The following IFT74 variants were observed in gnomAD, a reference collection of about 807,000 sequenced individuals.
The protein encoded by IFT74 is intraflagellar transport 74, also known as intraflagellar transport protein 74 homolog.
A neutral mutation model predicts 96.7 loss-of-function variants in IFT74; 92 were observed. The ratio of observed to expected loss-of-function variants is 0.95; its 90% CI spans 0.80 to 1.13. The LOEUF (loss-of-function observed/expected upper bound fraction) is 1.13, where lower values mean the gene tolerates loss of function less well. Ranked by LOEUF, IFT74 falls within the 50% of genes most tolerant of loss-of-function variation. The pLI is 0.00. For missense variants in IFT74, 811 were observed against 698.2 expected, an observed-to-expected ratio of 1.16 and a Z score of -1.82; for synonymous variants, 223 against 213.2, an observed-to-expected ratio of 1.05 and a Z score of -0.40.
intron 2 of IFT74, among the ~76,000 whole-genome samples, chr9:26,970,192 T>C (rs996888336): frequency 6.6e-6 from 1 of 152,202 alleles, no homozygotes. Context: ...AAATGACTTT[T>C]TCTTTGCAGT....
chr9:27,014,071 C>T (rs1030877170), intron 10 of IFT74, among the ~76,000 whole-genome samples: 4 of 152,000 alleles, frequency 2.6e-5, no homozygotes, highest in Admixed American at 6.6e-5. Flanking sequence ...AAAAATTAGT[C>T]GGGCATGGTG....
chr9:26,965,193 A>T (rs1462208138), intron 2 of IFT74, among the ~76,000 whole-genome samples: 3 of 152,212 alleles, frequency 2.0e-5, no homozygotes, highest in Non-Finnish European at 4.4e-5. Flanking sequence ...ACATAAATTT[A>T]TAAATACATA....
At chr9:26,957,152 C>A (rs59757728) in intron 1 of IFT74, among the ~76,000 whole-genome samples, 9,408 of 152,238 alleles carry the variant, frequency 0.062, 335 homozygotes, top group South Asian at 0.13. Flanking sequence ...AATTGTGTGA[C>A]TCTTTGATTG....
intron 12 of IFT74, among the ~76,000 whole-genome samples, chr9:27,023,458 C>G (rs977250683): frequency 6.6e-6 from 1 of 152,076 alleles, no homozygotes; most frequent in Non-Finnish European, 1.5e-5. Flanking sequence ...TGGTGTATCA[C>G]GTTTATTGAC....
intron 12 of IFT74, among the ~76,000 whole-genome samples, chr9:27,022,646 C>CTTT (rs112202812): frequency 7.1e-6 from 1 of 141,736 alleles, no homozygotes; most frequent in African/African-American, 2.6e-5. Context: ...TTCTTGATTT[C>CTTT]TTTTTTTTTT....
At chr9:27,034,810 G>A (rs1043336262) in intron 13 of IFT74, among the ~76,000 whole-genome samples, 7 of 152,222 alleles carry the variant, frequency 4.6e-5, no homozygotes, top group African/African-American at 9.6e-5. Context: ...GATTACAGGC[G>A]TGAGCCACCA....
chr9:26,986,125 T>C (rs1191836616), intron 6 of IFT74, among the ~76,000 whole-genome samples: 3 of 151,686 alleles, frequency 2.0e-5, no homozygotes, highest in Non-Finnish European at 4.4e-5. Context: ...TTTATCTCAC[T>C]ACCCTTATTA....
intron 13 of IFT74, among the ~76,000 whole-genome samples, chr9:27,035,167 G>C (rs138462088): frequency 6.6e-6 from 1 of 152,272 alleles, no homozygotes; most frequent in African/African-American, 2.4e-5. Flanking sequence ...TATTGTTAAT[G>C]CTGTTACTTT....
intron 9 of IFT74, among the ~76,000 whole-genome samples, chr9:27,010,785 G>A: frequency 6.6e-6 from 1 of 152,038 alleles, no homozygotes; most frequent in Non-Finnish European, 1.5e-5. Context: ...ACTTTTTTAG[G>A]CTCCTACAGA....
chr9:26,963,772 G>T lies in IFT74; in HGVS notation c.120+1685G>T, dbSNP rs1024078967. On this transcript the variant is annotated intron_variant, in intron 2 of 19. Transcript: ENST00000380062. Reference sequence around the variant, plus strand: ...TAAATGTCTTCTTTTGGGAAGTGTCGGTTGATGTCTTTCGCCCACTTTTTG... The same window carrying T: ...TAAATGTCTTCTTTTGGGAAGTGTCTGTTGATGTCTTTCGCCCACTTTTTG... 9.9e-3 allele frequency among the ~76,000 whole-genome samples: 1,513 copies of T among 152,196 alleles called. 19 individuals carry two copies. Among genetic ancestry groups the T allele is most frequent in the African/African-American group, 0.034 (1,419 of 41,490 alleles).
At chr9:26,978,969 T>C (rs189029424) in intron 3 of IFT74, among the ~76,000 whole-genome samples, 1 of 152,250 alleles carries the variant, frequency 6.6e-6, no homozygotes, top group East Asian at 1.9e-4. Context: ...AACTCCTTTT[T>C]CTTTTCTTTT....
At chr9:26,974,762 A>G (rs1225524474) in intron 2 of IFT74, among the ~76,000 whole-genome samples, 1 of 152,138 alleles carries the variant, frequency 6.6e-6, no homozygotes, top group Admixed American at 6.5e-5. Context: ...CAGGTATATA[A>G]TTGAGGTCCT....
rs1387448827 is a variant in IFT74 at position 27,010,960 on chromosome 9, GT to G, written c.727-942del. 2.0e-5 allele frequency among the ~76,000 whole-genome samples: 3 copies of G among 152,272 alleles called. No individual in the cohort carries two copies. The East Asian group carries it at 5.8e-4, about 29-fold the overall frequency. Reference sequence around the variant, plus strand: ...CCCATAAATGCCAATAATGATTATAGTTTTAGTTTCTTAGACATTCCTTTGC... The same window carrying G: ...CCCATAAATGCCAATAATGATTATAGTTTAGTTTCTTAGACATTCCTTTGC... On this transcript the variant is annotated intron_variant, in intron 9 of 19. Transcript: ENST00000380062.
intron 18 of IFT74, among the ~76,000 whole-genome samples, chr9:27,057,959 G>A (rs1042001177): frequency 2.6e-5 from 4 of 152,096 alleles, no homozygotes; most frequent in Admixed American, 1.3e-4. Flanking sequence ...AGGTACAACC[G>A]TTGTTAACAT....
chr9:27,020,111 G>A (rs955836659), intron 12 of IFT74, among the ~76,000 whole-genome samples: 8 of 151,888 alleles, frequency 5.3e-5, no homozygotes, highest in African/African-American at 1.9e-4. Flanking sequence ...GAGTAGCTGG[G>A]ACTACAGGCA....
chr9:26,967,679 G>C (rs1471993780), intron 2 of IFT74, among the ~76,000 whole-genome samples: 1 of 152,138 alleles, frequency 6.6e-6, no homozygotes, highest in Non-Finnish European at 1.5e-5. Flanking sequence ...CTAGATCTTA[G>C]AGGAAAGGCT....
intron 2 of IFT74, among the ~76,000 whole-genome samples, chr9:26,967,574 T>C (rs531024963): frequency 3.9e-4 from 59 of 152,306 alleles, no homozygotes; most frequent in South Asian, 1.5e-3. Flanking sequence ...CCAGTTTGGA[T>C]GCCCTTTATT....
intron 1 of IFT74, among the ~76,000 whole-genome samples, chr9:26,959,374 G>A (rs929452755): frequency 4.6e-5 from 7 of 152,184 alleles, no homozygotes. Flanking sequence ...CTCCCAAAGT[G>A]CTGGGATTGC....
At chr9:26,985,938 A>C (rs1389085615) in intron 6 of IFT74, among the ~76,000 whole-genome samples, 1 of 152,234 alleles carries the variant, frequency 6.6e-6, no homozygotes, top group East Asian at 1.9e-4. Context: ...AGTTCCACTA[A>C]AGATGCTTCT....
Sources: allele counts gnomAD v4.1 joint callset (sites outside exome capture counted in the v4.1 genomes callset), GRCh38; gene constraint gnomAD v4.1.1; transcripts MANE v1.5; gene names NCBI Gene and HGNC (gene_info 2026-07-23, HGNC 2026-07-21).